Variants in WDR41 observed in about 807,000 individuals in gnomAD.
The protein encoded by WDR41 is WD repeat domain 41.
A neutral mutation model predicts 69.3 loss-of-function variants in WDR41; 63 were observed. The observed-to-expected ratio is 0.91, with a 90% CI of 0.74 to 1.12. WDR41 has a LOEUF of 1.12. WDR41 is among the 50% of genes most tolerant of loss of function. The pLI, the probability that WDR41 is intolerant of heterozygous loss-of-function variation, is 0.00. For missense variants in WDR41, 543 were observed against 534.5 expected, an observed-to-expected ratio of 1.02 and a Z score of -0.16; for synonymous variants, 185 against 192.1, an observed-to-expected ratio of 0.96 and a Z score of 0.31.
chr5:77,564,561 C>T (rs1204015209), intron 1 of WDR41, among the ~76,000 whole-genome samples: 1 of 152,150 alleles, frequency 6.6e-6, no homozygotes, highest in Non-Finnish European at 1.5e-5. Context: ...GACCTAACTT[C>T]TTTGTCTCCT....
intron 1 of WDR41, among the ~76,000 whole-genome samples, chr5:77,581,758 A>T (rs1389479712): frequency 2.0e-5 from 3 of 152,216 alleles, no homozygotes. Context: ...CCAAGACTTA[A>T]AGAAGAAATC....
chr5:77,574,407 G>C (rs1743789909), intron 1 of WDR41, among the ~76,000 whole-genome samples: 1 of 152,078 alleles, frequency 6.6e-6, no homozygotes. Context: ...CAAGCTCCTG[G>C]AGACATATCA....
At chr5:77,611,617 G>A (rs1297042792) in intron 1 of WDR41, among the ~76,000 whole-genome samples, 2 of 152,038 alleles carry the variant, frequency 1.3e-5, no homozygotes, top group Admixed American at 6.6e-5. Flanking sequence ...ACGAGAACAA[G>A]AATCTCTGGG....
chr5:77,499,180 T>C (rs1184503291), intron 1 of WDR41: 1 of 152,186 alleles, frequency 6.6e-6, no homozygotes, highest in Non-Finnish European at 1.5e-5. Context: ...TTAAGGACTC[T>C]GAAAAAGGAG....
At chr5:77,585,988 T>A (rs1039429444) in intron 1 of WDR41, among the ~76,000 whole-genome samples, 17 of 152,218 alleles carry the variant, frequency 1.1e-4, no homozygotes, top group Admixed American at 6.5e-4. Context: ...TATAGTTTAC[T>A]CTTCTTAATT....
At chr5:77,483,477 T>C (rs1390690917) in intron 2 of WDR41, among the ~76,000 whole-genome samples, 1 of 119,376 alleles carries the variant, frequency 8.4e-6, no homozygotes, top group Non-Finnish European at 1.7e-5. Context: ...GTTACCTGAA[T>C]ACTCGTGTGT....
Position 77,476,487 on chromosome 5 carries a change from C to G in WDR41, c.168-11678G>C, listed in dbSNP as rs1173177352. 7.9e-5 allele frequency among the ~76,000 whole-genome samples: 12 copies of G among 152,290 alleles called. No individual in the cohort carries two copies. The East Asian group carries it at 2.3e-3, about 29-fold the overall frequency. On this transcript the variant is annotated intron_variant, in intron 2 of 12. Transcript: ENST00000296679. The stretch of plus-strand genomic sequence containing the variant: ...CACAGCGGATCTCCTGGCAGAAACT[C>G]TACAAGCCAGAAGACAGTGGGGGCC...
At chr5:77,435,375 T>C (rs1798897787) in intron 12 of WDR41, among the ~76,000 whole-genome samples, 1 of 152,288 alleles carries the variant, frequency 6.6e-6, no homozygotes, top group Non-Finnish European at 1.5e-5. Context: ...CAGCCTAGGG[T>C]AACAGCCTAT....
intron 2 of WDR41, among the ~76,000 whole-genome samples, chr5:77,466,197 T>C (rs1240994238): frequency 2.6e-5 from 4 of 152,026 alleles, no homozygotes; most frequent in Non-Finnish European, 5.9e-5. Context: ...TATCATTTAT[T>C]CTTATTTTAA....
At chr5:77,534,957 T>C (rs1389803831) in intron 1 of WDR41, among the ~76,000 whole-genome samples, 2 of 152,338 alleles carry the variant, frequency 1.3e-5, no homozygotes, top group East Asian at 1.9e-4. Flanking sequence ...AGTTTAAAGA[T>C]TATATTTTAT....
chr5:77,598,651 T>TTTTTTTTTTTTTTTTTTTTTTTTTTG, intron 1 of WDR41, among the ~76,000 whole-genome samples: 1 of 135,708 alleles, frequency 7.4e-6, no homozygotes, highest in Non-Finnish European at 1.6e-5. Context: ...TTCCTTTTTT[T>TTTTTTTTTTTTTTTTTTTTTTTTTTG]TTTTGTTTTT....
At chr5:77,574,802 C>T (rs954491466) in intron 1 of WDR41, among the ~76,000 whole-genome samples, 15 of 152,178 alleles carry the variant, frequency 9.9e-5, no homozygotes, top group Admixed American at 6.6e-4. Flanking sequence ...TACAACCCAA[C>T]ATTTCCATGC....
rs191453431 is a variant in WDR41 at position 77,475,223 on chromosome 5, A to G, written c.168-10414T>C. ...GCAGTCTGAGATCAAACTGCAAGGC[A>G]GCAGCCAGGCTGGGGGAGGGGCGCC... On this transcript the variant is annotated intron_variant, in intron 2 of 12. Transcript: ENST00000296679. Among the ~76,000 whole-genome samples, 71 of 152,292 alleles carry G rather than the reference A, an allele frequency of 4.7e-4. 2 individuals carry two copies. The East Asian group carries it at 0.012, about 27-fold the overall frequency.
chr5:77,459,455 T>C (rs1799954165), intron 4 of WDR41, among the ~76,000 whole-genome samples: 1 of 152,188 alleles, frequency 6.6e-6, no homozygotes, highest in Non-Finnish European at 1.5e-5. Flanking sequence ...TAGCCCACCA[T>C]AATCTAATAA....
intron 2 of WDR41, among the ~76,000 whole-genome samples, chr5:77,468,395 G>A (rs764488663): frequency 6.6e-6 from 1 of 152,050 alleles, no homozygotes; most frequent in Non-Finnish European, 1.5e-5. Context: ...CCATCTTAAT[G>A]TATAAAAATA....
intron 1 of WDR41, among the ~76,000 whole-genome samples, chr5:77,550,357 T>C (rs927658924): frequency 1.3e-5 from 2 of 152,174 alleles, no homozygotes; most frequent in African/African-American, 2.4e-5. Flanking sequence ...AACAAAGGTC[T>C]AATATCCAGA....
chr5:77,517,631 C>CGTATATATATATATATATATATATAT (rs1279821785), intron 1 of WDR41, among the ~76,000 whole-genome samples: 1 of 141,138 alleles, frequency 7.1e-6, no homozygotes, highest in African/African-American at 2.7e-5. Context: ...ATTTATTGAA[C>CGTATATATATATATATATATATATAT]ATATATATAT....
chr5:77,433,033 A>G lies in WDR41; in HGVS notation c.*102T>C. 1 of 1,345,910 alleles carries G rather than the reference A, an allele frequency of 7.4e-7. No individual in the cohort carries two copies. The highest frequency in any genetic ancestry group is 9.9e-7 in the Non-Finnish European group (1 of 1,013,692). 83.4% of individuals were successfully genotyped at this position (1,345,910 alleles called of 1,614,324 possible). A position where few individuals can be genotyped will look rare whatever the true frequency, so the allele number is the denominator to read the frequency against. ...CATGTAGAATTTTATGGACTGACAA[A>G]AAAAATTACCAATTTAAGTGATCAA... On this transcript the variant is annotated 3_prime_UTR_variant, in exon 13 of 13. Transcript: ENST00000296679.
chr5:77,566,578 C>T (rs1297174236), intron 1 of WDR41, among the ~76,000 whole-genome samples: 1 of 152,066 alleles, frequency 6.6e-6, no homozygotes, highest in African/African-American at 2.4e-5. Flanking sequence ...TGGGCCTTTG[C>T]TGCCATTTTT....
Sources: gnomAD v4.1 joint callset for allele counts (sites outside exome capture counted in the v4.1 genomes callset) on GRCh38, gnomAD v4.1.1 for gene constraint, MANE v1.5 for transcripts, NCBI Gene and HGNC (gene_info 2026-07-23, HGNC 2026-07-21) for gene names.